The following PIK3R4 variants were observed in gnomAD, a reference collection of about 807,000 sequenced individuals.
The protein encoded by PIK3R4 is phosphoinositide 3-kinase regulatory subunit 4.
In PIK3R4, 46 loss-of-function variants were observed where a neutral mutation model predicts 136.5. That is an observed-to-expected ratio of 0.34 (90% CI 0.27 to 0.43). The LOEUF is 0.43. PIK3R4 is among the 20% of genes least tolerant of loss of function. The pLI, the probability that PIK3R4 is intolerant of heterozygous loss-of-function variation, is 1.00. For synonymous variants in PIK3R4, 557 were observed against 566.7 expected (o/e 0.98, Z 0.24); for missense variants, 1,331 against 1,649.5 (o/e 0.81, Z 3.35).
At chr3:130,690,195 A>G (rs2066508528) in intron 14 of PIK3R4, among the ~76,000 whole-genome samples, 1 of 152,160 alleles carries the variant, frequency 6.6e-6, no homozygotes, top group Non-Finnish European at 1.5e-5. Flanking sequence ...ATTCAGACAA[A>G]TTCTAGACTG....
chr3:130,733,365 A>G (rs2107619485), intron 4 of PIK3R4, among the ~76,000 whole-genome samples, 183 bp downstream of exon 4: 1 of 152,374 alleles, frequency 6.6e-6, no homozygotes. Flanking sequence ...CAAAAGTGAG[A>G]GAACACACAA....
intron 7 of PIK3R4, among the ~76,000 whole-genome samples, chr3:130,722,904 A>G (rs2066709551): frequency 6.7e-6 from 1 of 150,168 alleles, no homozygotes; most frequent in Non-Finnish European, 1.5e-5. Context: ...AAAATACAAA[A>G]AAAAAAAAAA....
Position 130,690,633 on chromosome 3 carries a change from T to G in PIK3R4, c.3120A>C (p.Arg1040=). The G allele has an allele frequency of 1.2e-6, 2 of 1,608,462 alleles. No individual in the cohort carries two copies. Among genetic ancestry groups the G allele is most frequent in the Non-Finnish European group, 1.7e-6 (2 of 1,175,726 alleles). ...TTTRSILTYS[R]IGGRVKTLTF... The stretch of plus-strand genomic sequence containing the variant: ...TGAGCGTCTTGACTCGTCCTCCAAT[T>G]CGGCTGTATGTAAGAATAGATCTGA... The change falls in exon 14 of 20, where the codon CGA becomes CGC. Residue 1040 remains arginine, a synonymous_variant. Coordinates refer to ENST00000356763, the MANE Select transcript of PIK3R4 (RefSeq NM_014602.3).
At chr3:130,720,473 C>G (rs1216930122) in intron 7 of PIK3R4, among the ~76,000 whole-genome samples, 3 of 152,118 alleles carry the variant, frequency 2.0e-5, no homozygotes, top group African/African-American at 7.2e-5. Flanking sequence ...TTTTCTTTGT[C>G]TAACACATTC....
chr3:130,730,706 CAAA>C (rs767601811), intron 4 of PIK3R4, among the ~76,000 whole-genome samples: 5 of 123,512 alleles, frequency 4.0e-5, no homozygotes, highest in African/African-American at 6.0e-5. Context: ...TACTGAGGAC[CAAA>C]AAAAAAAAAA....
intron 3 of PIK3R4, among the ~76,000 whole-genome samples, chr3:130,734,598 G>A (rs1240384976): frequency 2.0e-5 from 3 of 152,344 alleles, no homozygotes; most frequent in Admixed American, 6.5e-5. Flanking sequence ...TGCCACAAGT[G>A]CAAAGGAATC....
chr3:130,715,775 T>A (rs1484342838), intron 9 of PIK3R4, among the ~76,000 whole-genome samples: 2 of 152,200 alleles, frequency 1.3e-5, no homozygotes, highest in Non-Finnish European at 2.9e-5. Flanking sequence ...TTGTCAATTC[T>A]GGCCTTTGTT....
intron 9 of PIK3R4, among the ~76,000 whole-genome samples, chr3:130,709,625 A>G (rs931767239): frequency 6.6e-6 from 1 of 152,146 alleles, no homozygotes; most frequent in Non-Finnish European, 1.5e-5. Flanking sequence ...CCTTATAGCT[A>G]AAGTAAGAGC....
Position 130,686,256 on chromosome 3 carries a change from T to G in PIK3R4, c.3430A>C (p.Ile1144Leu). 5 of 1,613,566 alleles carry G rather than the reference T, an allele frequency of 3.1e-6. No individual in the cohort carries two copies. The highest frequency in any genetic ancestry group is 4.2e-6 in the Non-Finnish European group (5 of 1,179,548). Residue 1144 changes from isoleucine (I) to leucine (L), a missense_variant, in exon 15 of 20, where the codon ATC becomes CTC. By Grantham distance (5) the Ile-to-Leu change is conservative. Transcript: ENST00000356763. Reference sequence around the variant, plus strand: ...TGGATGTCCACAGCAAAGGAAGTGATGAGGCCCGACTTTAAATCATGCTTT... The same window carrying G: ...TGGATGTCCACAGCAAAGGAAGTGAGGAGGCCCGACTTTAAATCATGCTTT... Reference protein sequence around the residue: ...TLKHDLKSGLITSFAVDIHQC... With the variant: ...TLKHDLKSGLLTSFAVDIHQC...
intron 14 of PIK3R4, 142 bp from the exon 15 acceptor site, chr3:130,686,564 A>C (rs1368753688): frequency 1.2e-5 from 7 of 600,776 alleles, no homozygotes; most frequent in East Asian, 5.7e-5. Context: ...CCGACACATT[A>C]AAAAAATTCC....
chr3:130,741,892 G>A (rs2066825848), intron 2 of PIK3R4, among the ~76,000 whole-genome samples: 2 of 152,192 alleles, frequency 1.3e-5, no homozygotes, highest in African/African-American at 4.8e-5. Flanking sequence ...TGGACCAGAG[G>A]CAGAATATAT....
chr3:130,723,374 TC>T (rs1180454667), intron 7 of PIK3R4, 39 bp downstream of exon 7: 2 of 1,529,340 alleles, frequency 1.3e-6, no homozygotes, highest in Non-Finnish European at 1.8e-6. Context: ...TTTATAAAGT[TC>T]TTCCAATCTC....
intron 11 of PIK3R4, among the ~76,000 whole-genome samples, chr3:130,706,536 TA>T (rs1179899635): frequency 1.3e-5 from 2 of 152,306 alleles, no homozygotes; most frequent in Middle Eastern, 3.4e-3. Flanking sequence ...GATCTGTACA[TA>T]AAAAGCATCA....
At chr3:130,693,717 C>T (rs1029399889) in intron 13 of PIK3R4, among the ~76,000 whole-genome samples, 2 of 152,096 alleles carry the variant, frequency 1.3e-5, no homozygotes, top group African/African-American at 4.8e-5. Context: ...TTCTCCCATT[C>T]TGTGGATTGT....
intron 2 of PIK3R4, among the ~76,000 whole-genome samples, chr3:130,741,919 G>A (rs1049459359): frequency 1.3e-5 from 2 of 152,124 alleles, no homozygotes; most frequent in African/African-American, 2.4e-5. Flanking sequence ...AGTCCTCAAC[G>A]GTATCGATGG....
chr3:130,736,367 G>A (rs969284302), intron 2 of PIK3R4, among the ~76,000 whole-genome samples: 21 of 152,186 alleles, frequency 1.4e-4, no homozygotes, highest in African/African-American at 4.1e-4. Flanking sequence ...TCAGGAGTTC[G>A]AGACCAGCCT....
chr3:130,700,252 C>G (rs2066567895), intron 13 of PIK3R4, among the ~76,000 whole-genome samples: 1 of 152,142 alleles, frequency 6.6e-6, no homozygotes, highest in African/African-American at 2.4e-5. Flanking sequence ...ACCAGTGACT[C>G]CAAAACATGT....
intron 13 of PIK3R4, among the ~76,000 whole-genome samples, chr3:130,697,063 CTTTTTTTTTTTTT>C (rs60432343): frequency 2.7e-5 from 2 of 73,070 alleles, no homozygotes; most frequent in Non-Finnish European, 2.2e-5. Context: ...GCCACTCCAG[CTTTTTTTTTTTTT>C]TTTTTTTTTT....
Position 130,746,029 on chromosome 3 carries a change from A to AG in PIK3R4, c.-47+288_-47+289insC, listed in dbSNP as rs202014017. 8.7e-3 allele frequency among the ~76,000 whole-genome samples: 1,309 copies of AG among 149,904 alleles called. 16 individuals are homozygous for AG. The highest frequency in any genetic ancestry group is 0.051 in the East Asian group (262 of 5,158). ...AGCGAGACTCCGTCCGTCTCAAAAA[A>AG]TAAAAAAAAAAAAAGAAAAACTGAA... is the stretch of plus-strand genomic sequence containing the variant. On this transcript the variant is annotated intron_variant, in intron 1 of 19. Coordinates refer to ENST00000356763, the MANE Select transcript of PIK3R4 (RefSeq NM_014602.3).
Sources: allele counts gnomAD v4.1 joint callset (sites outside exome capture counted in the v4.1 genomes callset), GRCh38; gene constraint gnomAD v4.1.1; transcripts MANE v1.5; gene names NCBI Gene and HGNC (gene_info 2026-07-23, HGNC 2026-07-21).